The following FOXP2 variants were observed in gnomAD, a reference collection of about 807,000 sequenced individuals.
The protein encoded by FOXP2 is forkhead box protein P2.
FOXP2 carries 12 observed loss-of-function variants against 115.8 expected under a neutral mutation model. The observed-to-expected ratio is 0.10, with a 90% confidence interval of 0.07 to 0.17. FOXP2 has a LOEUF of 0.17. FOXP2 is among the 10% of genes least tolerant of loss of function. The pLI, the probability that FOXP2 is intolerant of heterozygous loss-of-function variation, is 1.00. For synonymous variants in FOXP2, 328 were observed against 297.7 expected (o/e 1.10, Z -1.05); for missense variants, 629 against 843.5 (o/e 0.75, Z 3.15).
At chr7:114,408,252 T>G (rs1411665678) in intron 2 of FOXP2, among the ~76,000 whole-genome samples, 1 of 152,152 alleles carries the variant, frequency 6.6e-6, no homozygotes, top group African/African-American at 2.4e-5. Flanking sequence ...CAGTTTAAAA[T>G]TAAAACTTTA....
intron 2 of FOXP2, among the ~76,000 whole-genome samples, chr7:114,485,448 G>T (rs1342564958): frequency 6.6e-6 from 1 of 151,848 alleles, no homozygotes; most frequent in African/African-American, 2.4e-5. Flanking sequence ...GTTTATAAAA[G>T]TTAATCAGTG....
chr7:114,103,408 T>C (rs771832499), intron 1 of FOXP2, among the ~76,000 whole-genome samples: 8 of 152,068 alleles, frequency 5.3e-5, no homozygotes, highest in Non-Finnish European at 8.8e-5. Flanking sequence ...CTTTAGGTTT[T>C]AAAAAATGTA....
intron 2 of FOXP2, among the ~76,000 whole-genome samples, chr7:114,465,363 C>T (rs1195445810): frequency 6.6e-6 from 1 of 152,162 alleles, no homozygotes; most frequent in Non-Finnish European, 1.5e-5. Flanking sequence ...TGGAATTTCT[C>T]ACCTAGTTAA....
At chr7:114,188,444 C>T (rs924182626) in intron 1 of FOXP2, among the ~76,000 whole-genome samples, 2 of 152,156 alleles carry the variant, frequency 1.3e-5, no homozygotes. Flanking sequence ...TGGTTTGCTC[C>T]TTATACTTTG....
chr7:114,690,175 G>GA lies in FOXP2; in HGVS notation c.*260dup, dbSNP rs752684219. 0.015 allele frequency: 5,184 copies of GA among 338,334 alleles called. 7 individuals carry two copies. The highest frequency in any genetic ancestry group is 0.019 in the Non-Finnish European group (3,492 of 187,650). The allele number at this position is 338,334 out of a possible 1,614,324, so 21.0% of individuals were successfully genotyped here. ...AAAAAAGACAAAAACTGATTTTCTT[G>GA]AAAAAAAAAAATGAACTGTTCTTTC... On this transcript the variant is annotated 3_prime_UTR_variant, in exon 17 of 17. Transcript: ENST00000350908.
intron 2 of FOXP2, among the ~76,000 whole-genome samples, chr7:114,528,359 A>C (rs981982022): frequency 2.6e-5 from 4 of 152,092 alleles, no homozygotes; most frequent in African/African-American, 9.6e-5. Context: ...AAGCATTTTT[A>C]AAACATTGTC....
intron 1 of FOXP2, among the ~76,000 whole-genome samples, chr7:114,125,064 C>T (rs937680740): frequency 3.3e-5 from 5 of 152,104 alleles, no homozygotes; most frequent in East Asian, 3.9e-4. Context: ...TAACCACTAC[C>T]GACTTCCATC....
At chr7:114,378,701 A>AAAAAAAAAAAAAAAAAAAAAAAAAAAG (rs1554380027) in intron 2 of FOXP2, among the ~76,000 whole-genome samples, 3 of 106,800 alleles carry the variant, frequency 2.8e-5, no homozygotes, top group Non-Finnish European at 3.8e-5. Flanking sequence ...AAAAAAAAAA[A>AAAAAAAAAAAAAAAAAAAAAAAAAAAG]GGAAAAGAAA....
chr7:114,292,397 A>G (rs1447827592), intron 2 of FOXP2, among the ~76,000 whole-genome samples: 2 of 152,150 alleles, frequency 1.3e-5, no homozygotes, highest in African/African-American at 4.8e-5. Context: ...CCTAAAATTC[A>G]TCCATTGCTT....
chr7:114,334,931 CTATATATATA>C (rs144511332), intron 2 of FOXP2, among the ~76,000 whole-genome samples: 3 of 119,334 alleles, frequency 2.5e-5, no homozygotes, highest in East Asian at 6.0e-4. Context: ...ATATAGAAAT[CTATATATATA>C]TATATATATA....
intron 2 of FOXP2, among the ~76,000 whole-genome samples, chr7:114,509,321 T>C (rs117732244): frequency 3.1e-3 from 469 of 152,138 alleles, no homozygotes; most frequent in Admixed American, 4.1e-3. Flanking sequence ...TCGCTCTTGT[T>C]GCCCAGGCTG....
chr7:114,122,970 C>T (rs1160242104), intron 1 of FOXP2, among the ~76,000 whole-genome samples: 2 of 151,810 alleles, frequency 1.3e-5, no homozygotes, highest in Non-Finnish European at 2.9e-5. Flanking sequence ...CCTTGTTTTG[C>T]AGCTGACGAT....
chr7:114,396,365 G>T (rs1305227997), intron 2 of FOXP2, among the ~76,000 whole-genome samples: 2 of 151,964 alleles, frequency 1.3e-5, no homozygotes, highest in Non-Finnish European at 2.9e-5. Flanking sequence ...TTTTATGGTT[G>T]AATACTAACT....
chr7:114,585,421 A>G (rs566350495), intron 3 of FOXP2, among the ~76,000 whole-genome samples: 2 of 152,290 alleles, frequency 1.3e-5, no homozygotes, highest in East Asian at 3.9e-4. Flanking sequence ...TCTATGGGCC[A>G]ACCAAATCTC....
intron 2 of FOXP2, among the ~76,000 whole-genome samples, chr7:114,480,736 T>C (rs567498359): frequency 2.1e-4 from 31 of 150,752 alleles, no homozygotes; most frequent in African/African-American, 4.8e-4. Flanking sequence ...TACACGTATA[T>C]ATGTGTATGT....
chr7:114,588,570 G>A (rs1802271658), intron 3 of FOXP2, among the ~76,000 whole-genome samples: 1 of 152,138 alleles, frequency 6.6e-6, no homozygotes, highest in South Asian at 2.1e-4. Context: ...GGTCGGAAGG[G>A]AATTGCTTTT....
rs112305937 is a variant in FOXP2 at position 114,396,178 on chromosome 7, C to T, written c.-10-30324C>T. Reference sequence around the variant, plus strand: ...CCCACAACCCCTCCACTACCCTTTGCAGCCTCTGGTAACCATCCCTCTACT... The same window carrying T: ...CCCACAACCCCTCCACTACCCTTTGTAGCCTCTGGTAACCATCCCTCTACT... On this transcript the variant is annotated intron_variant, in intron 2 of 17. Transcript: ENST00000634411. 1.9e-3 allele frequency among the ~76,000 whole-genome samples: 294 copies of T among 152,028 alleles called. 3 individuals are homozygous for T. The highest frequency in any genetic ancestry group is 6.8e-3 in the African/African-American group (282 of 41,512).
chr7:114,554,196 A>G (rs1450517406), intron 3 of FOXP2, among the ~76,000 whole-genome samples: 1 of 152,150 alleles, frequency 6.6e-6, no homozygotes, highest in African/African-American at 2.4e-5. Flanking sequence ...AAATATCTTC[A>G]AAACATTAGA....
intron 2 of FOXP2, among the ~76,000 whole-genome samples, chr7:114,359,412 G>A (rs1312883358): frequency 6.6e-6 from 1 of 152,186 alleles, no homozygotes; most frequent in Non-Finnish European, 1.5e-5. Context: ...CCCCACAAAT[G>A]GTCCTCACTC....
Sources: gnomAD v4.1 joint callset for allele counts (sites outside exome capture counted in the v4.1 genomes callset) on GRCh38, gnomAD v4.1.1 for gene constraint, MANE v1.5 for transcripts, NCBI Gene and HGNC (gene_info 2026-07-23, HGNC 2026-07-21) for gene names.